Variants in CNTN1 observed in about 807,000 individuals in gnomAD.
CNTN1 encodes the protein contactin 1.
Under a neutral mutation model 126.4 loss-of-function variants are expected in CNTN1, and 38 were observed. That is an observed-to-expected ratio of 0.30 (90% CI 0.23 to 0.39). The LOEUF is 0.39. CNTN1 is among the 10% of genes least tolerant of loss of function. CNTN1 has a pLI of 1.00. For missense variants in CNTN1, 1,009 were observed against 1,248.4 expected (o/e 0.81, Z 2.89); for synonymous variants, 413 against 422.6 (o/e 0.98, Z 0.28).
chr12:41,048,713 A>G (rs1380440711), intron 23 of CNTN1, among the ~76,000 whole-genome samples: 2 of 152,162 alleles, frequency 1.3e-5, no homozygotes, highest in African/African-American at 4.8e-5. Flanking sequence ...TGAAAGAAAG[A>G]AGAAGGAAAA....
intron 1 of CNTN1, among the ~76,000 whole-genome samples, chr12:40,887,978 C>G (rs940081193): frequency 2.3e-5 from 3 of 129,846 alleles, no homozygotes; most frequent in African/African-American, 9.0e-5. Context: ...AACACGTGGA[C>G]ACAGGAAGGG....
chr12:40,805,741 T>C (rs117620259), intron 1 of CNTN1, among the ~76,000 whole-genome samples: 1 of 152,052 alleles, frequency 6.6e-6, no homozygotes, highest in Admixed American at 6.6e-5. Flanking sequence ...TAAATTTGAA[T>C]GCTAAACATT....
At chr12:40,804,340 T>G (rs1434659512) in intron 1 of CNTN1, among the ~76,000 whole-genome samples, 1 of 152,172 alleles carries the variant, frequency 6.6e-6, no homozygotes, top group South Asian at 2.1e-4. Context: ...ACAAGCCACC[T>G]GCCATTTTAC....
chr12:40,888,321 C>G (rs142036042), intron 1 of CNTN1, among the ~76,000 whole-genome samples: 5 of 152,010 alleles, frequency 3.3e-5, no homozygotes, highest in Non-Finnish European at 5.9e-5. Context: ...TTTCCTTATA[C>G]GTGTACTTTA....
intron 1 of CNTN1, among the ~76,000 whole-genome samples, chr12:40,775,192 A>G (rs1332214633): frequency 2.0e-5 from 3 of 151,366 alleles, no homozygotes; most frequent in Admixed American, 2.0e-4. Flanking sequence ...TTGATCTACT[A>G]TATGGAGGAG....
chr12:40,816,164 T>C lies in CNTN1; in HGVS notation c.-76-92193T>C, dbSNP rs529237294. Among the ~76,000 whole-genome samples the C allele has an allele frequency of 2.0e-5, 3 of 152,370 alleles. No homozygotes were observed. In the South Asian group the frequency reaches 6.2e-4, roughly 32 times the overall value. On this transcript the variant is annotated intron_variant, in intron 1 of 23. Coordinates refer to ENST00000551295, the MANE Select transcript of CNTN1 (RefSeq NM_001843.4). ...TGGTATCAGGATGATGCTGGCTTCA[T>C]AAAATGAGTTAGGGAGGAGTCCCTC...
chr12:41,066,338 G>A (rs965382136), intron 23 of CNTN1, among the ~76,000 whole-genome samples: 1 of 152,092 alleles, frequency 6.6e-6, no homozygotes, highest in Admixed American at 6.5e-5. Flanking sequence ...AGAAATATCA[G>A]GGGTCACACT....
At chr12:40,995,365 G>A (rs1044418711) in intron 17 of CNTN1, among the ~76,000 whole-genome samples, 2 of 151,970 alleles carry the variant, frequency 1.3e-5, no homozygotes, top group African/African-American at 4.8e-5. Flanking sequence ...ACTGAAGTTT[G>A]GCAAGTCCTA....
intron 1 of CNTN1, among the ~76,000 whole-genome samples, chr12:40,903,956 C>T (rs1297347377): frequency 3.3e-5 from 5 of 152,152 alleles, no homozygotes; most frequent in Non-Finnish European, 7.3e-5. Flanking sequence ...TTATAAACTG[C>T]AGGAATCCCT....
intron 1 of CNTN1, among the ~76,000 whole-genome samples, chr12:40,899,804 G>A (rs1206982185): frequency 6.6e-6 from 1 of 152,182 alleles, no homozygotes; most frequent in Non-Finnish European, 1.5e-5. Context: ...GCCAAGTGCT[G>A]TTAATGTAGG....
chr12:40,792,054 G>T (rs1183028574), intron 1 of CNTN1, among the ~76,000 whole-genome samples: 1 of 151,944 alleles, frequency 6.6e-6, no homozygotes, highest in Admixed American at 6.6e-5. Context: ...AGAATTATTA[G>T]AAAAAATAAT....
At chr12:40,839,587 T>A (rs142610466) in intron 1 of CNTN1, among the ~76,000 whole-genome samples, 1 of 152,286 alleles carries the variant, frequency 6.6e-6, no homozygotes, top group African/African-American at 2.4e-5. Flanking sequence ...GATTTGTCAG[T>A]TGAACACTTA....
chr12:41,009,877 TGACA>T (rs1410883724), intron 17 of CNTN1, among the ~76,000 whole-genome samples: 1 of 152,162 alleles, frequency 6.6e-6, no homozygotes, highest in Non-Finnish European at 1.5e-5. Flanking sequence ...TACCAGGGGG[TGACA>T]GAGTTTGTCC....
At chr12:40,846,194 T>A (rs1223609609) in intron 1 of CNTN1, among the ~76,000 whole-genome samples, 1 of 147,402 alleles carries the variant, frequency 6.8e-6, no homozygotes, top group Non-Finnish European at 1.5e-5. Flanking sequence ...GGGGTGAGGG[T>A]AAAAAAAAAA....
rs538891466 is a variant in CNTN1, at chr12:40,879,044, G to A, written c.-76-29313G>A. ...ACGACTGAGGAGTCTGAAGGGCAGC[G>A]AGGTCACATATCCCAGCCTTGGTTT... On this transcript the variant is annotated intron_variant, in intron 1 of 23. Transcript: ENST00000551295. Among the ~76,000 whole-genome samples, 125 of 152,204 alleles carry A rather than the reference G, an allele frequency of 8.2e-4. 1 individual carries two copies. Among genetic ancestry groups the A allele is most frequent in the African/African-American group, 2.8e-3 (118 of 41,530 alleles).
At position 40,966,356 on chromosome 12, in the gene CNTN1, C is replaced by A. The variant is rs543645431; in HGVS notation, c.1804+7122C>A. Among the ~76,000 whole-genome samples, 113 of 152,078 alleles carry A rather than the reference C, an allele frequency of 7.4e-4. 3 individuals are homozygous for A. In the South Asian group the frequency reaches 0.022, roughly 30 times the overall value. On this transcript the variant is annotated intron_variant, in intron 15 of 23. Transcript: ENST00000551295. ...GGGCGCCATTCTGAGCCATCCTGAC[C>A]CCACTCTGCACTAACCACAGCAATG...
At chr12:40,712,784 G>A (rs1941954849) in intron 1 of CNTN1, among the ~76,000 whole-genome samples, 1 of 152,034 alleles carries the variant, frequency 6.6e-6, no homozygotes, top group African/African-American at 2.4e-5. Context: ...AGGAACCATT[G>A]TAATATGCTA....
At chr12:40,888,977 C>T (rs947666391) in intron 1 of CNTN1, among the ~76,000 whole-genome samples, 3 of 152,250 alleles carry the variant, frequency 2.0e-5, no homozygotes, top group Non-Finnish European at 4.4e-5. Context: ...TGCCAGTGGG[C>T]GTTCAGGCCT....
intron 1 of CNTN1, among the ~76,000 whole-genome samples, chr12:40,812,286 T>C (rs1218062724): frequency 1.3e-5 from 2 of 152,148 alleles, no homozygotes; most frequent in African/African-American, 2.4e-5. Flanking sequence ...AAGACTGATT[T>C]TGTGGCCCAA....
Sources: allele counts gnomAD v4.1 joint callset (sites outside exome capture counted in the v4.1 genomes callset), GRCh38; gene constraint gnomAD v4.1.1; transcripts MANE v1.5; gene names NCBI Gene and HGNC (gene_info 2026-07-23, HGNC 2026-07-21).